The following TNFRSF8 variants were observed in gnomAD, a reference collection of about 807,000 sequenced individuals.
TNFRSF8 encodes tumor necrosis factor receptor superfamily member 8.
A neutral mutation model predicts 70.8 loss-of-function variants in TNFRSF8; 26 were observed. That is an observed-to-expected ratio of 0.37 (90% confidence interval 0.27 to 0.51). The LOEUF is 0.51. Among genes scored for constraint, TNFRSF8 ranks in the 20% least tolerant of loss-of-function variants. TNFRSF8 has a pLI of 0.94. For synonymous variants in TNFRSF8, 356 were observed against 339.2 expected, an observed-to-expected ratio of 1.05 and a Z score of -0.54; for missense variants, 720 against 807.9, an observed-to-expected ratio of 0.89 and a Z score of 1.32.
intron 12 of TNFRSF8, among the ~76,000 whole-genome samples, chr1:12,129,430 C>CT (rs1425434507): frequency 6.6e-6 from 1 of 152,196 alleles, no homozygotes; most frequent in Admixed American, 6.5e-5. Context: ...ACAATGAATT[C>CT]TCAGGCCCTG....
intron 12 of TNFRSF8, among the ~76,000 whole-genome samples, chr1:12,128,581 G>A (rs1309246928): frequency 5.9e-5 from 9 of 152,228 alleles, no homozygotes; most frequent in Non-Finnish European, 8.8e-5. Flanking sequence ...TTAAGGCCAC[G>A]TGCTGGGTGA....
chr1:12,076,917 G>A (rs1280518122), intron 1 of TNFRSF8, among the ~76,000 whole-genome samples: 1 of 152,046 alleles, frequency 6.6e-6, no homozygotes, highest in Non-Finnish European at 1.5e-5. Flanking sequence ...GGCGGTAGAC[G>A]CATAGTCCCC....
intron 12 of TNFRSF8, among the ~76,000 whole-genome samples, chr1:12,128,680 G>A (rs1001546791): frequency 1.3e-5 from 2 of 152,124 alleles, no homozygotes; most frequent in African/African-American, 4.8e-5. Context: ...GGAATGGATG[G>A]TTCTTTGCTG....
chr1:12,110,248 G>C lies in TNFRSF8; in HGVS notation c.676+44G>C. The C allele has an allele frequency of 6.6e-7, 1 of 1,525,186 alleles. No individual in the cohort carries two copies. The highest frequency in any genetic ancestry group is 8.8e-7 in the Non-Finnish European group (1 of 1,135,048). 94.5% of individuals were successfully genotyped at this position (1,525,186 alleles called of 1,614,324 possible). A position where few individuals can be genotyped will look rare whatever the true frequency, so the allele number is the denominator to read the frequency against. ...TGTGGGTCGTCTCCCTGGGGTGCTC[G>C]ATTGGTGGATGGCCCATGAGTGGGG... On this transcript the variant is annotated intron_variant, in intron 6 of 14. Transcript: ENST00000263932. The surrounding 1 kb of genome is among the most constrained non-coding windows in gnomAD (Gnocchi z 4.0).
intron 1 of TNFRSF8, among the ~76,000 whole-genome samples, chr1:12,066,035 C>T (rs1390565089): frequency 6.6e-6 from 1 of 152,192 alleles, no homozygotes; most frequent in Non-Finnish European, 1.5e-5. Context: ...TAGTAACTTT[C>T]CCACATCCTA....
In TNFRSF8 at chr1:12,141,636, C is replaced by T. The variant is rs549091396; in HGVS notation, c.1544-651C>T. Among the ~76,000 whole-genome samples, 26 of 152,196 alleles carry T rather than the reference C, an allele frequency of 1.7e-4. No homozygotes were observed. Among genetic ancestry groups the T allele is most frequent in the Admixed American group, 9.8e-4 (15 of 15,282 alleles). On this transcript the variant is annotated intron_variant, in intron 14 of 14. Coordinates refer to ENST00000263932, the MANE Select transcript of TNFRSF8 (RefSeq NM_001243.5). This position sits in a 1 kb window ranked among gnomAD's most constrained non-coding sequence, Gnocchi z 5.4. ...ATGTGACAGGCTGGCTGAGTTTGCC[C>T]GGACCGAGGGGACTCCCAGGACACG... is the stretch of plus-strand genomic sequence containing the variant.
At chr1:12,091,905 C>G (rs1641253861) in intron 2 of TNFRSF8, among the ~76,000 whole-genome samples, 1 of 152,146 alleles carries the variant, frequency 6.6e-6, no homozygotes, top group Non-Finnish European at 1.5e-5. Context: ...ACGTGCAGTT[C>G]ACAATAGGGT....
intron 1 of TNFRSF8, among the ~76,000 whole-genome samples, chr1:12,076,086 C>CTCTTTTTTTTTTTTTTTTT (rs58965655): frequency 7.4e-6 from 1 of 134,460 alleles, no homozygotes. Context: ...TGGTTTTATT[C>CTCTTTTTTTTTTTTTTTTT]TTTTTTTTTT....
At chr1:12,075,983 C>T (rs1002798183) in intron 1 of TNFRSF8, among the ~76,000 whole-genome samples, 4 of 152,206 alleles carry the variant, frequency 2.6e-5, no homozygotes, top group Non-Finnish European at 2.9e-5. Flanking sequence ...CAGAAACATT[C>T]CTAGCCTGCG....
At position 12,142,682 on chromosome 1, in the gene TNFRSF8, T is replaced by C. The variant is rs1267040518; in HGVS notation, c.*151T>C. 46 of 1,037,998 alleles carry C rather than the reference T, an allele frequency of 4.4e-5. No individual in the cohort carries two copies. The highest frequency in any genetic ancestry group is 5.7e-5 in the Non-Finnish European group (42 of 737,514). 64.3% of individuals were successfully genotyped at this position (1,037,998 alleles called of 1,614,324 possible). On this transcript the variant is annotated 3_prime_UTR_variant, in exon 15 of 15. Coordinates refer to ENST00000263932, the MANE Select transcript of TNFRSF8 (RefSeq NM_001243.5). This position sits in a 1 kb window ranked among gnomAD's most constrained non-coding sequence, Gnocchi z 5.0. ...GTGGACCGGCCGGTCACTGCAGGGG[T>C]CTGGTGGTCTCTGCTTGCATCCCCA...
intron 14 of TNFRSF8, among the ~76,000 whole-genome samples, chr1:12,139,281 T>C (rs1000833090): frequency 1.3e-5 from 2 of 152,188 alleles, no homozygotes; most frequent in African/African-American, 4.8e-5. Context: ...ACCTACCTTC[T>C]GACCCCACAG....
Position 12,111,892 on chromosome 1 carries a change from C to A in TNFRSF8, c.677-6C>A. On this transcript the variant is annotated splice_region_variant and splice_polypyrimidine_tract_variant and intron_variant, in intron 6 of 14. Transcript: ENST00000263932. ...TGGCCTGCAGCTTCTCTGCTTCTTTCCCCAGGTCTGTCCCCAACACAGCCA... is the reference window on the plus strand; with the variant it reads ...TGGCCTGCAGCTTCTCTGCTTCTTTACCCAGGTCTGTCCCCAACACAGCCA... The A allele has an allele frequency of 1.9e-6, 3 of 1,613,492 alleles. No homozygotes were observed. Among genetic ancestry groups the A allele is most frequent in the Non-Finnish European group, 1.7e-6 (2 of 1,179,404 alleles).
In TNFRSF8 at chr1:12,084,915, C is replaced by T. The variant is rs868503344; in HGVS notation, c.151+364C>T. Among the ~76,000 whole-genome samples the T allele has an allele frequency of 2.7e-4, 41 of 152,112 alleles. 1 individual carries two copies. The highest frequency in any genetic ancestry group is 9.4e-4 in the African/African-American group (39 of 41,406). ...TATTACACTCAATTTGCAGATGAGG[C>T]TACTGGGGCTTGGCAGGGTTAAGTT... On this transcript the variant is annotated intron_variant, in intron 2 of 14. Transcript: ENST00000263932.
chr1:12,128,855 G>A (rs1233120300), intron 12 of TNFRSF8, among the ~76,000 whole-genome samples: 1 of 18,338 alleles, frequency 5.5e-5, no homozygotes, highest in Non-Finnish European at 1.1e-4. Context: ...TTTTTTTTGA[G>A]ACAGAGTCTC....
Position 12,128,598 on chromosome 1 carries a change from G to C in TNFRSF8, c.1309+2362G>C, listed in dbSNP as rs185885945. Among the ~76,000 whole-genome samples, 105 of 152,334 alleles carry C rather than the reference G, an allele frequency of 6.9e-4. 1 individual carries two copies. The highest frequency in any genetic ancestry group is 2.3e-3 in the Admixed American group (35 of 15,296). ...AAGGCCACGTGCTGGGTGAGCCGTA[G>C]GACGGGGATTTTATCGTGGTTGTTG... On this transcript the variant is annotated intron_variant, in intron 12 of 14. Coordinates refer to ENST00000263932, the MANE Select transcript of TNFRSF8 (RefSeq NM_001243.5).
chr1:12,130,425 C>A (rs1642026590), intron 12 of TNFRSF8, among the ~76,000 whole-genome samples: 1 of 152,154 alleles, frequency 6.6e-6, no homozygotes, highest in African/African-American at 2.4e-5. Flanking sequence ...TGAGATGTTC[C>A]CAGCTTAACT....
intron 3 of TNFRSF8, among the ~76,000 whole-genome samples, chr1:12,102,173 A>T (rs1440578633): frequency 6.6e-6 from 1 of 152,044 alleles, no homozygotes; most frequent in Non-Finnish European, 1.5e-5. Context: ...GGCGACTTCT[A>T]GTTCTGTGCA....
chr1:12,069,271 C>G (rs1640798833), intron 1 of TNFRSF8, among the ~76,000 whole-genome samples: 1 of 146,018 alleles, frequency 6.8e-6, no homozygotes, highest in Non-Finnish European at 1.5e-5. Flanking sequence ...CTCCATTTCC[C>G]AGGTTCAAGT....
At chr1:12,097,050 A>AG in intron 2 of TNFRSF8, 51 bp from the exon 3 acceptor site, 1 of 1,461,272 alleles carries the variant, frequency 6.8e-7, no homozygotes, top group South Asian at 1.1e-5. Flanking sequence ...TTGGGTCATA[A>AG]GGCCTTTGCT....
Sources: gnomAD v4.1 joint callset for allele counts (sites outside exome capture counted in the v4.1 genomes callset) on GRCh38, gnomAD v4.1.1 for gene constraint, Gnocchi (gnomAD v3.1) non-coding constraint, MANE v1.5 for transcripts, NCBI Gene and HGNC (gene_info 2026-07-23, HGNC 2026-07-21) for gene names.